CSTPP1: variants seen among roughly 807,000 people sequenced by gnomAD.
CSTPP1 encodes UPF0705 protein C11orf49.
At chr11:47,064,994 G>A in the CSTPP1 span, among the ~76,000 whole-genome samples, 2 of 152,132 alleles carry the variant, frequency 1.3e-5, no homozygotes, top group South Asian at 4.1e-4. Flanking sequence ...CACCTGCTTC[G>A]GCCTCCCAAA....
chr11:46,936,943 T>C, the CSTPP1 span: 2 of 737,978 alleles, frequency 2.7e-6, no homozygotes, highest in Non-Finnish European at 1.8e-6. Context: ...CTGAGTGGGA[T>C]CGGGTCCGGG....
the CSTPP1 span, among the ~76,000 whole-genome samples, chr11:46,964,800 T>G: frequency 4.6e-5 from 7 of 152,196 alleles, no homozygotes. Flanking sequence ...AGCTGATCAC[T>G]GAGACTACGA....
the CSTPP1 span, among the ~76,000 whole-genome samples, chr11:47,093,144 G>C: frequency 6.6e-6 from 1 of 152,172 alleles, no homozygotes; most frequent in African/African-American, 2.4e-5. Context: ...CGTGTTTCAG[G>C]CTTGAGCAAA....
chr11:46,984,633 A>G, the CSTPP1 span, among the ~76,000 whole-genome samples: 1 of 151,828 alleles, frequency 6.6e-6, no homozygotes, highest in Non-Finnish European at 1.5e-5. Flanking sequence ...TACTGCTCTG[A>G]AAATATTTAT....
the CSTPP1 span, chr11:47,160,756 G>A: frequency 1.5e-5 from 3 of 195,300 alleles, no homozygotes; most frequent in African/African-American, 7.0e-5. Context: ...ATTAGGTAAT[G>A]TCTGACCTTT....
the CSTPP1 span, among the ~76,000 whole-genome samples, chr11:46,961,640 G>A: frequency 6.6e-6 from 1 of 152,176 alleles, no homozygotes; most frequent in Admixed American, 6.5e-5. Flanking sequence ...CTAAGAAATG[G>A]TTACCTAAAC....
the CSTPP1 span, among the ~76,000 whole-genome samples, chr11:46,976,286 A>G: frequency 6.6e-6 from 1 of 152,164 alleles, no homozygotes; most frequent in Admixed American, 6.5e-5. Context: ...CTTAAAAATG[A>G]ATAATAAAGA....
At chr11:47,001,899 C>T in the CSTPP1 span, among the ~76,000 whole-genome samples, 5 of 152,116 alleles carry the variant, frequency 3.3e-5, no homozygotes, top group South Asian at 2.1e-4. Flanking sequence ...ACCAAGACTT[C>T]GCTGATTTCC....
At chr11:46,948,888 C>T in the CSTPP1 span, among the ~76,000 whole-genome samples, 1 of 152,156 alleles carries the variant, frequency 6.6e-6, no homozygotes, top group East Asian at 1.9e-4. Flanking sequence ...CTAGAAGCTC[C>T]ACACGTCAGT....
chr11:47,028,944 C>T, the CSTPP1 span, among the ~76,000 whole-genome samples: 1 of 152,004 alleles, frequency 6.6e-6, no homozygotes, highest in African/African-American at 2.4e-5. Context: ...CTCAAGCCGT[C>T]TTCCCATCTC....
chr11:46,948,122 C>T, the CSTPP1 span: 4 of 456,102 alleles, frequency 8.8e-6, no homozygotes, highest in East Asian at 6.9e-5. Context: ...CAGAACCGGT[C>T]GGCTCCATGG....
chr11:47,132,497 TACA>T, the CSTPP1 span, among the ~76,000 whole-genome samples: 6 of 152,256 alleles, frequency 3.9e-5, no homozygotes, highest in African/African-American at 1.2e-4. Flanking sequence ...TTTGATCTTT[TACA>T]ACAATTCCAT....
chr11:47,097,703 T>C, the CSTPP1 span, among the ~76,000 whole-genome samples: 228 of 30,774 alleles, frequency 7.4e-3, no homozygotes, highest in African/African-American at 0.013. Context: ...CCCCCCTGCC[T>C]GGCCAGCCGC....
At chr11:47,017,730 C>T in the CSTPP1 span, among the ~76,000 whole-genome samples, 1 of 150,514 alleles carries the variant, frequency 6.6e-6, no homozygotes, top group Non-Finnish European at 1.5e-5. Context: ...TGCAGTGGCA[C>T]GATCTTGGCT....
chr11:47,004,234 T>A, the CSTPP1 span: 2 of 151,774 alleles, frequency 1.3e-5, no homozygotes, highest in African/African-American at 4.8e-5. Flanking sequence ...AGGCTGGAGT[T>A]GTAGCACAAA....
At chr11:47,157,124 C>A in the CSTPP1 span, 1 of 1,614,090 alleles carries the variant, frequency 6.2e-7, no homozygotes, top group Non-Finnish European at 8.5e-7. Flanking sequence ...GCACCGCCAA[C>A]GACCTGCCTT....
the CSTPP1 span, chr11:46,936,706 TC>T: frequency 1.3e-6 from 2 of 1,544,154 alleles, no homozygotes; most frequent in East Asian, 2.5e-5. Flanking sequence ...CCAGCTCCCG[TC>T]CCCCTTCCGC....
At chr11:47,079,858 C>T in the CSTPP1 span, among the ~76,000 whole-genome samples, 8 of 151,374 alleles carry the variant, frequency 5.3e-5, no homozygotes, top group Non-Finnish European at 8.8e-5. Flanking sequence ...CTTTGGGAGG[C>T]GGAGGCGAGT....
At chr11:47,129,957 A>T in the CSTPP1 span, among the ~76,000 whole-genome samples, 2 of 152,162 alleles carry the variant, frequency 1.3e-5, no homozygotes, top group Non-Finnish European at 2.9e-5. Flanking sequence ...AGTCATAATA[A>T]AATATAAAAC....
Sources: gnomAD v4.1 joint callset for allele counts (sites outside exome capture counted in the v4.1 genomes callset) on GRCh38, gnomAD v4.1.1 for gene constraint, MANE v1.5 for transcripts, NCBI Gene and HGNC (gene_info 2026-07-23, HGNC 2026-07-21) for gene names.